PCDHA13: variants seen among roughly 807,000 people sequenced by gnomAD.
PCDHA13 encodes protocadherin alpha-13.
PCDHA13 carries 54 observed loss-of-function variants against 64.8 expected under a neutral mutation model. The ratio of observed to expected loss-of-function variants is 0.83; its 90% CI spans 0.67 to 1.04. The LOEUF (loss-of-function observed/expected upper bound fraction) is 1.04. Ranked by LOEUF, PCDHA13 falls within the 50% of genes least tolerant of loss-of-function variation. The probability of loss-of-function intolerance (pLI) is 0.00; values close to 1 mark genes in which losing one functional copy is unlikely to be tolerated. For synonymous variants in PCDHA13, 587 were observed against 564.4 expected (o/e 1.04, Z -0.57); for missense variants, 1,248 against 1,254.3 (o/e 0.99, Z 0.08).
chr5:140,947,756 T>A (rs1354995389), intron 1 of PCDHA13, among the ~76,000 whole-genome samples: 1 of 151,644 alleles, frequency 6.6e-6, no homozygotes, highest in Non-Finnish European at 1.5e-5. Flanking sequence ...TATTTTATGG[T>A]TTAAAAAATT....
intron 1 of PCDHA13, among the ~76,000 whole-genome samples, chr5:140,945,769 T>C (rs1358082978): frequency 1.3e-5 from 2 of 152,036 alleles, no homozygotes; most frequent in Non-Finnish European, 2.9e-5. Flanking sequence ...TGGGACAATT[T>C]GATATCCAGA....
At chr5:140,966,097 C>T (rs1215509140) in intron 1 of PCDHA13, 2 of 154,754 alleles carry the variant, frequency 1.3e-5, no homozygotes, top group Non-Finnish European at 2.9e-5. Flanking sequence ...GTTAGATCCG[C>T]CGCCTGGGTG....
chr5:140,956,878 A>G (rs890203275), intron 1 of PCDHA13, among the ~76,000 whole-genome samples: 4 of 152,188 alleles, frequency 2.6e-5, no homozygotes, highest in Admixed American at 2.6e-4. Context: ...GAAAAGTTAG[A>G]TATCAATGAA....
intron 1 of PCDHA13, among the ~76,000 whole-genome samples, chr5:140,904,512 C>A (rs1251570223): frequency 2.0e-5 from 3 of 151,738 alleles, no homozygotes; most frequent in African/African-American, 7.3e-5. Flanking sequence ...GTGAATTGTG[C>A]TGCTATAAAC....
In PCDHA13 at chr5:140,961,349, T is replaced by C. The variant is rs1352312577; in HGVS notation, c.2395-17600T>C. Among the ~76,000 whole-genome samples the C allele has an allele frequency of 2.0e-5, 3 of 152,204 alleles. No individual in the cohort carries two copies. The East Asian group carries it at 5.8e-4, about 29-fold the overall frequency. On this transcript the variant is annotated intron_variant, in intron 1 of 3. Coordinates refer to ENST00000289272, the MANE Select transcript of PCDHA13 (RefSeq NM_018904.3). Reference sequence around the variant, plus strand: ...TTGAGAGACCAAGAGTGGATCCCTGTAGTCCCCATTAGAATTCTCCTTCTA... The same window carrying C: ...TTGAGAGACCAAGAGTGGATCCCTGCAGTCCCCATTAGAATTCTCCTTCTA...
At chr5:140,896,657 A>G (rs1554187043) in intron 1 of PCDHA13, among the ~76,000 whole-genome samples, 1 of 152,010 alleles carries the variant, frequency 6.6e-6, no homozygotes, top group East Asian at 1.9e-4. Flanking sequence ...TATTACAGGC[A>G]TGAGTCACTG....
chr5:140,899,674 T>A (rs2067476984), intron 1 of PCDHA13, among the ~76,000 whole-genome samples: 1 of 152,220 alleles, frequency 6.6e-6, no homozygotes, highest in African/African-American at 2.4e-5. Flanking sequence ...GGCTTTGGTA[T>A]CAGGATGATG....
Position 140,962,743 on chromosome 5 carries a change from A to T in PCDHA13, c.2395-16206A>T, listed in dbSNP as rs1298793627. 2.0e-5 allele frequency among the ~76,000 whole-genome samples: 3 copies of T among 152,324 alleles called. No individual in the cohort carries two copies. The East Asian group carries it at 5.8e-4, about 29-fold the overall frequency. On this transcript the variant is annotated intron_variant, in intron 1 of 3. Coordinates refer to ENST00000289272, the MANE Select transcript of PCDHA13 (RefSeq NM_018904.3). Reference sequence around the variant, plus strand: ...ATTTTCCTTCTGGGGATGCATGAAGATCAGGAATCCTATTCGTTTTTAACA... The same window carrying T: ...ATTTTCCTTCTGGGGATGCATGAAGTTCAGGAATCCTATTCGTTTTTAACA...
chr5:140,896,491 T>A (rs2065573741), intron 1 of PCDHA13, among the ~76,000 whole-genome samples: 1 of 152,042 alleles, frequency 6.6e-6, no homozygotes, highest in South Asian at 2.1e-4. Flanking sequence ...GCCTCCTGAG[T>A]AGCTGGGACT....
chr5:140,927,037 G>T lies in PCDHA13; in HGVS notation c.2394+42375G>T, dbSNP rs782765718. On this transcript the variant is annotated intron_variant, in intron 1 of 3. Coordinates refer to ENST00000289272, the MANE Select transcript of PCDHA13 (RefSeq NM_018904.3). ...CGCGGACTTGAGGCTGCCAGCGGCC[G>T]CTATGTCCTCGCGGAACTTTCGCTT... The T allele has an allele frequency of 3.7e-6, 6 of 1,612,000 alleles. No homozygotes were observed. The Admixed American group carries it at 6.7e-5, about 18-fold the overall frequency.
At chr5:140,978,422 T>C (rs1554239303) in intron 1 of PCDHA13, among the ~76,000 whole-genome samples, 2 of 152,218 alleles carry the variant, frequency 1.3e-5, no homozygotes, top group Non-Finnish European at 2.9e-5. Flanking sequence ...AAGAGACTGT[T>C]ATCAGTTGCT....
chr5:140,898,156 G>C (rs1176390379), intron 1 of PCDHA13, among the ~76,000 whole-genome samples: 2 of 152,114 alleles, frequency 1.3e-5, no homozygotes, highest in African/African-American at 4.8e-5. Context: ...TCACGCTGAT[G>C]GTGGTTTCTT....
At chr5:140,896,599 A>G (rs1247154870) in intron 1 of PCDHA13, among the ~76,000 whole-genome samples, 1 of 151,478 alleles carries the variant, frequency 6.6e-6, no homozygotes, top group African/African-American at 2.4e-5. Context: ...CTGGTCTCGA[A>G]CTCCTGGTCT....
chr5:141,006,750 G>A (rs1233243147), intron 3 of PCDHA13, among the ~76,000 whole-genome samples: 1 of 152,122 alleles, frequency 6.6e-6, no homozygotes, highest in African/African-American at 2.4e-5. Flanking sequence ...TATTATAAAT[G>A]GAGAATGAAG....
chr5:140,887,497 A>G (rs981649331), intron 1 of PCDHA13, among the ~76,000 whole-genome samples: 1 of 152,150 alleles, frequency 6.6e-6, no homozygotes, highest in Admixed American at 6.5e-5. Context: ...ATAGTTTCTA[A>G]TAAGATGTTT....
In PCDHA13 at chr5:141,010,341, T is replaced by C. The variant is rs199826290; in HGVS notation, c.*404T>C. ...GAGCAGCTTGGGAGTTTGTGGCCAC[T>C]GGGTATGTGTGGCTACCGCGGGTAT... is the stretch of plus-strand genomic sequence containing the variant. On this transcript the variant is annotated 3_prime_UTR_variant, in exon 4 of 4. Coordinates refer to ENST00000289272, the MANE Select transcript of PCDHA13 (RefSeq NM_018904.3). 1 of 1,503,238 alleles carries C rather than the reference T, an allele frequency of 6.7e-7. No homozygotes were observed. The highest frequency in any genetic ancestry group is 8.9e-7 in the Non-Finnish European group (1 of 1,119,606). The allele number at this position is 1,503,238 out of a possible 1,614,324, so 93.1% of individuals were successfully genotyped here. A position where few individuals can be genotyped will look rare whatever the true frequency, so the allele number is the denominator to read the frequency against.
intron 3 of PCDHA13, among the ~76,000 whole-genome samples, chr5:140,989,765 C>G (rs2097359812): frequency 6.6e-6 from 1 of 152,286 alleles, no homozygotes. Context: ...ATATTCAGTT[C>G]AAGCACTGGC....
In PCDHA13 at chr5:140,968,471, G is replaced by A. The variant is rs531821868; in HGVS notation, c.2395-10478G>A. On this transcript the variant is annotated intron_variant, in intron 1 of 3. Coordinates refer to ENST00000289272, the MANE Select transcript of PCDHA13 (RefSeq NM_018904.3). ...CAGCACTGTGACTGCCAACGTATAT[G>A]TGGTGGACATGAATGACCATGCCCC... 3.3e-5 allele frequency: 54 copies of A among 1,614,154 alleles called. No homozygotes were observed. The South Asian group carries it at 5.7e-4, about 17-fold the overall frequency.
chr5:141,008,670 A>G (rs1375302412), intron 3 of PCDHA13, among the ~76,000 whole-genome samples: 1 of 152,218 alleles, frequency 6.6e-6, no homozygotes, highest in Non-Finnish European at 1.5e-5. Flanking sequence ...TACTTTACAT[A>G]TACTTTAGTT....
Sources: gnomAD v4.1 joint callset for allele counts (sites outside exome capture counted in the v4.1 genomes callset) on GRCh38, gnomAD v4.1.1 for gene constraint, MANE v1.5 for transcripts, NCBI Gene and HGNC (gene_info 2026-07-23, HGNC 2026-07-21) for gene names.